RTKN2: variants seen among roughly 807,000 people sequenced by gnomAD.
The protein encoded by RTKN2 is rhotekin 2.
A neutral mutation model predicts 71.5 loss-of-function variants in RTKN2; 69 were observed. The observed-to-expected ratio is 0.96, with a 90% confidence interval of 0.79 to 1.18. The LOEUF (loss-of-function observed/expected upper bound fraction) is 1.18. RTKN2 is among the 50% of genes most tolerant of loss of function. RTKN2 has a pLI of 0.00. For synonymous variants in RTKN2, 236 were observed against 236.5 expected, an observed-to-expected ratio of 1.00 and a Z score of 0.02; for missense variants, 724 against 719.7, an observed-to-expected ratio of 1.01 and a Z score of -0.07.
intron 3 of RTKN2, among the ~76,000 whole-genome samples, chr10:62,244,393 T>TC (rs1390702700): frequency 2.0e-5 from 3 of 152,174 alleles, no homozygotes; most frequent in Admixed American, 2.0e-4. Context: ...GGGCAGGAAA[T>TC]AGTTTTTTAT....
chr10:62,225,963 A>G (rs1842013885), intron 6 of RTKN2, among the ~76,000 whole-genome samples: 1 of 151,882 alleles, frequency 6.6e-6, no homozygotes, highest in Non-Finnish European at 1.5e-5. Flanking sequence ...TCGTATTTTT[A>G]GTAGAGACGG....
chr10:62,191,161 G>T (rs543325430), downstream of RTKN2, among the ~76,000 whole-genome samples: 14 of 152,146 alleles, frequency 9.2e-5, no homozygotes, highest in South Asian at 2.9e-3. Context: ...TTGAGGCAGG[G>T]TCTCACTCTG....
intron 2 of RTKN2, among the ~76,000 whole-genome samples, chr10:62,250,641 TA>T (rs1842562897): frequency 6.6e-6 from 1 of 152,174 alleles, no homozygotes; most frequent in African/African-American, 2.4e-5. Context: ...TATTTTTATT[TA>T]TTTTTGAGGA....
At chr10:62,264,933 C>G (rs1184242111) in intron 1 of RTKN2, among the ~76,000 whole-genome samples, 1 of 151,512 alleles carries the variant, frequency 6.6e-6, no homozygotes, top group African/African-American at 2.4e-5. Context: ...AATCTTGAAA[C>G]TTGCAACAAC....
intron 9 of RTKN2, among the ~76,000 whole-genome samples, chr10:62,213,123 A>G (rs1355096376): frequency 6.6e-6 from 1 of 152,252 alleles, no homozygotes; most frequent in Non-Finnish European, 1.5e-5. Flanking sequence ...GAAGGAAAGT[A>G]GTATGAGAAA....
Position 62,228,354 on chromosome 10 carries a change from T to C in RTKN2, c.687-5022A>G, listed in dbSNP as rs576816539. 6.6e-5 allele frequency among the ~76,000 whole-genome samples: 10 copies of C among 152,276 alleles called. No individual in the cohort carries two copies. In the South Asian group the frequency reaches 2.1e-3, roughly 32 times the overall value. ...ATTTCAAGGAGAGTGATCAATTGTGTTAATACCAAAAGGTCCAGGAAGAGG... is the reference window on the plus strand; with the variant it reads ...ATTTCAAGGAGAGTGATCAATTGTGCTAATACCAAAAGGTCCAGGAAGAGG... On this transcript the variant is annotated intron_variant, in intron 6 of 11. Coordinates refer to ENST00000373789, the MANE Select transcript of RTKN2 (RefSeq NM_145307.4).
At chr10:62,259,952 T>C (rs752943995) in intron 2 of RTKN2, among the ~76,000 whole-genome samples, 6 of 152,216 alleles carry the variant, frequency 3.9e-5, no homozygotes, top group Non-Finnish European at 5.9e-5. Flanking sequence ...ATTGTTCTAT[T>C]AGATATTCGT....
At chr10:62,227,203 C>G (rs1206221013) in intron 6 of RTKN2, among the ~76,000 whole-genome samples, 1 of 152,034 alleles carries the variant, frequency 6.6e-6, no homozygotes, top group Non-Finnish European at 1.5e-5. Flanking sequence ...ATATATTTAT[C>G]TATTTTTCCT....
chr10:62,260,529 AAT>A (rs1410225636), intron 2 of RTKN2, among the ~76,000 whole-genome samples: 6 of 102,012 alleles, frequency 5.9e-5, no homozygotes, highest in Non-Finnish European at 1.1e-4. Context: ...ATGATGAACA[AAT>A]ATATGTGTGT....
intron 8 of RTKN2, among the ~76,000 whole-genome samples, 173 bp from the exon 9 acceptor site, chr10:62,217,422 T>C (rs1365926650): frequency 6.6e-6 from 1 of 152,142 alleles, no homozygotes; most frequent in African/African-American, 2.4e-5. Context: ...CAAGAGTATG[T>C]TAATATCAGA....
intron 6 of RTKN2, among the ~76,000 whole-genome samples, chr10:62,227,791 A>G (rs1842060905): frequency 6.6e-6 from 1 of 152,204 alleles, no homozygotes; most frequent in African/African-American, 2.4e-5. Flanking sequence ...GAGCTGTTGC[A>G]GGCCTGGAAT....
At chr10:62,188,465 C>T (rs1438298413), downstream of RTKN2, among the ~76,000 whole-genome samples, 1 of 152,158 alleles carries the variant, frequency 6.6e-6, no homozygotes, top group Non-Finnish European at 1.5e-5. Flanking sequence ...CTAAGTCCAG[C>T]CCACAATCAA....
chr10:62,259,956 T>C (rs1842743947), intron 2 of RTKN2, among the ~76,000 whole-genome samples: 1 of 152,224 alleles, frequency 6.6e-6, no homozygotes, highest in Non-Finnish European at 1.5e-5. Flanking sequence ...TTCTATTAGA[T>C]ATTCGTCAAT....
intron 8 of RTKN2, chr10:62,184,390 G>T (rs1356973870): frequency 2.0e-6 from 3 of 1,519,510 alleles, no homozygotes; most frequent in African/African-American, 2.8e-5. Context: ...CTATTATTCT[G>T]AAAAACAAAA....
chr10:62,260,103 T>C (rs1842746553), intron 2 of RTKN2, among the ~76,000 whole-genome samples: 1 of 152,240 alleles, frequency 6.6e-6, no homozygotes, highest in Non-Finnish European at 1.5e-5. Context: ...GTTTTAACTC[T>C]GGCAGCAATA....
chr10:62,255,999 G>C (rs1376484250), intron 2 of RTKN2, among the ~76,000 whole-genome samples: 1 of 150,642 alleles, frequency 6.6e-6, no homozygotes. Context: ...TACTTTAAAG[G>C]CTATATTTTT....
chr10:62,252,423 G>A (rs572146574), intron 2 of RTKN2, among the ~76,000 whole-genome samples: 1 of 152,178 alleles, frequency 6.6e-6, no homozygotes, highest in South Asian at 2.1e-4. Context: ...CCGTACTCAT[G>A]TGGAAGAATC....
At chr10:62,204,000 A>G (rs940299718) in intron 10 of RTKN2, among the ~76,000 whole-genome samples, 1 of 152,220 alleles carries the variant, frequency 6.6e-6, no homozygotes, top group Non-Finnish European at 1.5e-5. Context: ...TGCTCCAGAA[A>G]ACAGAATTCC....
intron 1 of RTKN2, among the ~76,000 whole-genome samples, chr10:62,265,270 C>T (rs566341545): frequency 6.6e-4 from 101 of 152,158 alleles, no homozygotes; most frequent in African/African-American, 2.3e-3. Flanking sequence ...AATAAAGTTA[C>T]ACTGGAGCAC....
Sources: gnomAD v4.1 joint callset for allele counts (sites outside exome capture counted in the v4.1 genomes callset) on GRCh38, gnomAD v4.1.1 for gene constraint, MANE v1.5 for transcripts, NCBI Gene and HGNC (gene_info 2026-07-23, HGNC 2026-07-21) for gene names.